The following SEC14L3 variants were observed in gnomAD, a reference collection of about 807,000 sequenced individuals.
The protein encoded by SEC14L3 is SEC14-like protein 3.
In SEC14L3, 56 loss-of-function variants were observed where a neutral mutation model predicts 57.4. The ratio of observed to expected loss-of-function variants is 0.97; its 90% CI spans 0.79 to 1.22. SEC14L3 has a LOEUF of 1.22. Ranked by LOEUF, SEC14L3 falls within the 50% of genes most tolerant of loss-of-function variation. The pLI, the probability that SEC14L3 is intolerant of heterozygous loss-of-function variation, is 0.00. For synonymous variants in SEC14L3, 173 were observed against 194.4 expected, an observed-to-expected ratio of 0.89 and a Z score of 0.92; for missense variants, 485 against 511.7, an observed-to-expected ratio of 0.95 and a Z score of 0.50.
intron 1 of SEC14L3, 51 bp downstream of exon 1, chr22:30,471,854 C>G (rs1350783880): frequency 6.8e-6 from 11 of 1,612,374 alleles, no homozygotes; most frequent in Non-Finnish European, 9.3e-6. Flanking sequence ...CTTTCCACCC[C>G]CCAGCCCCTT....
At chr22:30,455,106 A>AATATTTAATATATATT (rs1569225636), downstream of SEC14L3, among the ~76,000 whole-genome samples, 39 of 26,716 alleles carry the variant, frequency 1.5e-3, 1 homozygote, top group South Asian at 5.1e-3. Flanking sequence ...TAATATATTT[A>AATATTTAATATATATT]ATATTTAATA....
At chr22:30,454,645 C>A (rs1442427163), downstream of SEC14L3, among the ~76,000 whole-genome samples, 7 of 104,558 alleles carry the variant, frequency 6.7e-5, no homozygotes, top group Non-Finnish European at 8.7e-5. Context: ...TAGATATAAT[C>A]TATAATATTA....
downstream of SEC14L3, among the ~76,000 whole-genome samples, chr22:30,458,588 T>C (rs1330152530): frequency 3.3e-5 from 5 of 152,210 alleles, no homozygotes; most frequent in Non-Finnish European, 5.9e-5. Flanking sequence ...GTGGTCTTAC[T>C]ATGTTGCCCA....
At chr22:30,454,499 T>TATATAATCTATAATAATATTAG (rs1935044054), downstream of SEC14L3, among the ~76,000 whole-genome samples, 1 of 83,028 alleles carries the variant, frequency 1.2e-5, no homozygotes, top group East Asian at 4.7e-4. Context: ...AATATTATTA[T>TATATAATCTATAATAATATTAG]ATATAATCTA....
downstream of SEC14L3, among the ~76,000 whole-genome samples, chr22:30,456,685 A>G (rs1935126103): frequency 6.6e-6 from 1 of 152,156 alleles, no homozygotes; most frequent in Non-Finnish European, 1.5e-5. Context: ...TCCTCCTGAG[A>G]TTTGGAGGGG....
chr22:30,450,071 T>C (rs1934952057), intron 12 of SEC14L3, among the ~76,000 whole-genome samples: 1 of 152,112 alleles, frequency 6.6e-6, no homozygotes, highest in South Asian at 2.1e-4. Flanking sequence ...CTTGGTTTTG[T>C]CCCACTGCCC....
At chr22:30,451,402 G>A (rs948904461) in intron 12 of SEC14L3, among the ~76,000 whole-genome samples, 1 of 152,092 alleles carries the variant, frequency 6.6e-6, no homozygotes, top group African/African-American at 2.4e-5. Flanking sequence ...CCGATGACAG[G>A]TGCTCCAACA....
chr22:30,450,437 G>T lies in SEC14L3; in HGVS notation c.905-1193C>A, dbSNP rs527934804. Among the ~76,000 whole-genome samples, 3 of 152,000 alleles carry T rather than the reference G, an allele frequency of 2.0e-5. No homozygotes were observed. The South Asian group carries it at 6.2e-4, about 32-fold the overall frequency. On this transcript the variant is annotated intron_variant, in intron 12 of 12. Coordinates refer to the SEC14L3 transcript ENST00000403066. Reference sequence around the variant, plus strand: ...TCTGCCTCAGCCTCCCCAGTAGCTGGGATTACAAGTGCGTGCCACCTTGCC... The same window carrying T: ...TCTGCCTCAGCCTCCCCAGTAGCTGTGATTACAAGTGCGTGCCACCTTGCC...
intron 12 of SEC14L3, among the ~76,000 whole-genome samples, chr22:30,452,082 C>T (rs1934998055): frequency 6.7e-6 from 1 of 150,356 alleles, no homozygotes; most frequent in Non-Finnish European, 1.5e-5. Context: ...TGGTTGGAAC[C>T]AAGATGGCCA....
chr22:30,462,594 G>GT (rs927526740), intron 8 of SEC14L3, among the ~76,000 whole-genome samples: 58 of 150,908 alleles, frequency 3.8e-4, no homozygotes, highest in East Asian at 5.9e-4. Flanking sequence ...GTTTTGTTTG[G>GT]TTTTTTTTTG....
intron 8 of SEC14L3, among the ~76,000 whole-genome samples, chr22:30,464,242 T>C (rs527739351): frequency 6.6e-6 from 1 of 152,308 alleles, no homozygotes; most frequent in Admixed American, 6.5e-5. Context: ...ACTAAGCTTA[T>C]GAGTGTTGAA....
chr22:30,464,785 T>C, intron 8 of SEC14L3, 35 bp downstream of exon 8: 4 of 1,604,012 alleles, frequency 2.5e-6, no homozygotes, highest in Non-Finnish European at 2.6e-6. Context: ...AAAGGTCATG[T>C]ATAGAGGTCA....
intron 8 of SEC14L3, 62 bp downstream of exon 8, chr22:30,464,758 T>G (rs147697765): frequency 0.017 from 25,771 of 1,492,412 alleles, 275 homozygotes; most frequent in Middle Eastern, 0.03. Flanking sequence ...GATGGGGTAA[T>G]GGGACAACCT....
At chr22:30,452,329 A>G (rs1601807801) in intron 12 of SEC14L3, among the ~76,000 whole-genome samples, 1 of 145,582 alleles carries the variant, frequency 6.9e-6, no homozygotes, top group Non-Finnish European at 1.5e-5. Flanking sequence ...GCTCACTGCA[A>G]CCTCCGCCTC....
At chr22:30,456,991 C>T (rs914303884), downstream of SEC14L3, among the ~76,000 whole-genome samples, 3 of 152,154 alleles carry the variant, frequency 2.0e-5, no homozygotes, top group Admixed American at 6.6e-5. Context: ...TGCAAGTCCC[C>T]TCCACTCAGC....
Position 30,471,998 on chromosome 22 carries a change from C to A in SEC14L3, c.-40G>T. The A allele has an allele frequency of 6.4e-7, 1 of 1,553,216 alleles. No individual in the cohort carries two copies. Among genetic ancestry groups the A allele is most frequent in the East Asian group, 2.4e-5 (1 of 41,782 alleles). On this transcript the variant is annotated 5_prime_UTR_variant, in exon 1 of 12. Coordinates refer to ENST00000215812, the MANE Select transcript of SEC14L3 (RefSeq NM_174975.5). The stretch of plus-strand genomic sequence containing the variant: ...CTTGAGGAGTGGTGGCCACTATAGG[C>A]AAGAGGCCAAGCCTAGTTTGTCAGC...
At chr22:30,461,792 C>G in intron 9 of SEC14L3, 98 bp from the exon 10 acceptor site, 1 of 1,486,108 alleles carries the variant, frequency 6.7e-7, no homozygotes, top group Non-Finnish European at 9.1e-7. Flanking sequence ...GAAGTATCCT[C>G]TTCATCCTAG....
At chr22:30,470,361 C>T (rs953584359) in intron 2 of SEC14L3, 106 bp from the exon 3 acceptor site, 37 of 1,589,004 alleles carry the variant, frequency 2.3e-5, no homozygotes, top group Admixed American at 1.9e-4. Flanking sequence ...GACCTTGCTC[C>T]CCTACCCCCT....
chr22:30,470,462 C>T, intron 2 of SEC14L3, 45 bp downstream of exon 2: 1 of 1,613,008 alleles, frequency 6.2e-7, no homozygotes, highest in East Asian at 2.2e-5. Context: ...GACCAGGCCC[C>T]TCTTGATGCC....
Sources: allele counts gnomAD v4.1 joint callset (sites outside exome capture counted in the v4.1 genomes callset), GRCh38; gene constraint gnomAD v4.1.1; transcripts MANE v1.5; gene names NCBI Gene and HGNC (gene_info 2026-07-23, HGNC 2026-07-21).